KCTD16: variants seen among roughly 807,000 people sequenced by gnomAD.
KCTD16 encodes BTB/POZ domain-containing protein KCTD16.
KCTD16 carries 13 observed loss-of-function variants against 33.2 expected under a neutral mutation model. The observed-to-expected ratio is 0.39, with a 90% CI of 0.25 to 0.62. The LOEUF is 0.62. KCTD16 is among the 20% of genes least tolerant of loss of function. The pLI is 0.50. For synonymous variants in KCTD16, 197 were observed against 195.3 expected (o/e 1.01, Z -0.07); for missense variants, 441 against 525.1 (o/e 0.84, Z 1.57).
chr5:144,315,508 C>T (rs544205382), intron 3 of KCTD16, among the ~76,000 whole-genome samples: 1 of 151,816 alleles, frequency 6.6e-6, no homozygotes, highest in Non-Finnish European at 1.5e-5. Flanking sequence ...ATGGAAGTTC[C>T]CTGGAATCTC....
At chr5:144,353,356 G>A (rs1345117176) in intron 3 of KCTD16, among the ~76,000 whole-genome samples, 1 of 152,184 alleles carries the variant, frequency 6.6e-6, no homozygotes, top group Non-Finnish European at 1.5e-5. Flanking sequence ...AGTGGAGCTG[G>A]AAGAAGTGAA....
At chr5:144,358,637 C>T (rs1205724815) in intron 3 of KCTD16, among the ~76,000 whole-genome samples, 1 of 152,096 alleles carries the variant, frequency 6.6e-6, no homozygotes, top group Non-Finnish European at 1.5e-5. Flanking sequence ...GCTACCAAAC[C>T]ACAATGCCAC....
intron 3 of KCTD16, among the ~76,000 whole-genome samples, chr5:144,208,545 A>T (rs1430386675): frequency 6.6e-6 from 1 of 152,242 alleles, no homozygotes; most frequent in African/African-American, 2.4e-5. Flanking sequence ...CACAAGAAAT[A>T]TGTTTCCAGT....
intron 3 of KCTD16, among the ~76,000 whole-genome samples, chr5:144,417,923 G>C (rs552990349): frequency 6.6e-6 from 1 of 152,292 alleles, no homozygotes; most frequent in Admixed American, 6.5e-5. Context: ...GACCCTCACA[G>C]TGAGTGTTAC....
At position 144,479,365 on chromosome 5, in the gene KCTD16, C is replaced by CAAAAAAAAAA. The variant is rs368957124; in HGVS notation, c.*5258_*5267dup. On this transcript the variant is annotated 3_prime_UTR_variant, in exon 4 of 4. Coordinates refer to ENST00000512467, the MANE Select transcript of KCTD16 (RefSeq NM_020768.4). ...CCAAACTGATGTGTAAGAATAAATG[C>CAAAAAAAAAA]AAAAAAAAAAAAAAAAGAAAAAGAA... 1.1e-5 allele frequency: 1 copy of CAAAAAAAAAA among 92,486 alleles called. No individual in the cohort carries two copies. Among genetic ancestry groups the CAAAAAAAAAA allele is most frequent in the Non-Finnish European group, 2.0e-5 (1 of 48,978 alleles). The allele number at this position is 92,486 out of a possible 1,614,324, so 5.7% of individuals were successfully genotyped here.
chr5:144,368,233 G>T (rs1483949019), intron 3 of KCTD16, among the ~76,000 whole-genome samples: 1 of 152,098 alleles, frequency 6.6e-6, no homozygotes, highest in African/African-American at 2.4e-5. Context: ...AAGGGAATTT[G>T]CAGGTGAAAT....
chr5:144,382,029 C>CATA (rs1474588389), intron 3 of KCTD16, among the ~76,000 whole-genome samples: 5 of 151,856 alleles, frequency 3.3e-5, no homozygotes, highest in African/African-American at 9.7e-5. Flanking sequence ...TACATACATA[C>CATA]ATACATACAT....
At chr5:144,299,185 T>G (rs1415496614) in intron 3 of KCTD16, among the ~76,000 whole-genome samples, 2 of 130,322 alleles carry the variant, frequency 1.5e-5, no homozygotes, top group African/African-American at 5.5e-5. Context: ...CTGAGCTGTT[T>G]AATGTTGCCC....
intron 3 of KCTD16, among the ~76,000 whole-genome samples, chr5:144,368,902 A>C (rs1159514347): frequency 6.6e-6 from 1 of 152,170 alleles, no homozygotes; most frequent in Non-Finnish European, 1.5e-5. Flanking sequence ...AAAATAATAG[A>C]GTTTAGTAAT....
At chr5:144,371,772 T>A (rs1404260572) in intron 3 of KCTD16, among the ~76,000 whole-genome samples, 5 of 151,944 alleles carry the variant, frequency 3.3e-5, no homozygotes. Context: ...AAATACTTGA[T>A]CAAAAACACT....
In KCTD16 at chr5:144,482,321, T is replaced by C. The variant is rs760032265; in HGVS notation, c.*8207T>C. On this transcript the variant is annotated 3_prime_UTR_variant, in exon 4 of 4. Coordinates refer to ENST00000512467, the MANE Select transcript of KCTD16 (RefSeq NM_020768.4). ...ACAAAAATTTTCAAGGGGGCAATAA[T>C]GTTGTAGAACAAGTATCTGGTGAGT... The C allele has an allele frequency of 3.3e-5, 5 of 151,948 alleles. No homozygotes were observed. Among genetic ancestry groups the C allele is most frequent in the Non-Finnish European group, 5.9e-5 (4 of 67,922 alleles). The allele number at this position is 151,948 out of a possible 1,614,324, so 9.4% of individuals were successfully genotyped here.
At chr5:144,366,960 G>C (rs906764565) in intron 3 of KCTD16, among the ~76,000 whole-genome samples, 83 of 152,290 alleles carry the variant, frequency 5.5e-4, no homozygotes, top group African/African-American at 1.8e-3. Context: ...GCAATGTCTA[G>C]CTGGCTCATG....
intron 3 of KCTD16, among the ~76,000 whole-genome samples, chr5:144,298,058 A>G (rs1403390638): frequency 6.6e-6 from 1 of 152,188 alleles, no homozygotes. Context: ...CGATTGGGCT[A>G]AAGGCTTGCC....
intron 3 of KCTD16, among the ~76,000 whole-genome samples, chr5:144,455,070 C>T (rs1754031246): frequency 6.6e-6 from 1 of 151,860 alleles, no homozygotes; most frequent in Non-Finnish European, 1.5e-5. Flanking sequence ...CTTGAGAAAG[C>T]CCCAGGGGGT....
chr5:144,278,771 A>G (rs1755515884), intron 3 of KCTD16, among the ~76,000 whole-genome samples: 1 of 152,082 alleles, frequency 6.6e-6, no homozygotes, highest in South Asian at 2.1e-4. Context: ...TGCTGGGATT[A>G]CAGGCGTGAG....
chr5:144,344,826 A>T (rs951430687), intron 3 of KCTD16, among the ~76,000 whole-genome samples: 2 of 150,344 alleles, frequency 1.3e-5, no homozygotes, highest in Non-Finnish European at 3.0e-5. Context: ...AACTAGAAAT[A>T]CCATTTGACC....
intron 3 of KCTD16, among the ~76,000 whole-genome samples, chr5:144,242,908 T>C (rs539419547): frequency 4.6e-5 from 7 of 152,332 alleles, no homozygotes; most frequent in Admixed American, 2.6e-4. Flanking sequence ...ATATTGGGGA[T>C]CAAACGTGAG....
At chr5:144,221,220 G>T (rs1454800825) in intron 3 of KCTD16, among the ~76,000 whole-genome samples, 1 of 152,174 alleles carries the variant, frequency 6.6e-6, no homozygotes, top group Non-Finnish European at 1.5e-5. Context: ...AACATCTAGA[G>T]AATGTCTTAA....
chr5:144,435,542 G>T (rs1231533648), intron 3 of KCTD16, among the ~76,000 whole-genome samples: 1 of 152,082 alleles, frequency 6.6e-6, no homozygotes, highest in African/African-American at 2.4e-5. Flanking sequence ...TGTGTTTATT[G>T]CCATTATTAG....
Sources: gnomAD v4.1 joint callset for allele counts (sites outside exome capture counted in the v4.1 genomes callset) on GRCh38, gnomAD v4.1.1 for gene constraint, MANE v1.5 for transcripts, NCBI Gene and HGNC (gene_info 2026-07-23, HGNC 2026-07-21) for gene names.